The following SLC7A14 variants were observed in gnomAD, a reference collection of about 807,000 sequenced individuals.
SLC7A14 encodes solute carrier family 7 member 14.
SLC7A14 carries 37 observed loss-of-function variants against 60.2 expected under a neutral mutation model. The ratio of observed to expected loss-of-function variants is 0.61; its 90% CI spans 0.47 to 0.81. The LOEUF is 0.81. Among genes scored for constraint, SLC7A14 ranks in the 30% least tolerant of loss-of-function variants. SLC7A14 has a pLI of 0.00. For synonymous variants in SLC7A14, 399 were observed against 395.8 expected (o/e 1.01, Z -0.10); for missense variants, 886 against 982.7 (o/e 0.90, Z 1.32).
intron 7 of SLC7A14, among the ~76,000 whole-genome samples, chr3:170,475,121 T>C (rs928934516): frequency 5.9e-5 from 9 of 152,350 alleles, no homozygotes; most frequent in Middle Eastern, 3.4e-3. Context: ...ACATTTGGTG[T>C]TTGTATTCCT....
chr3:170,515,317 C>G (rs1303680691), intron 2 of SLC7A14, among the ~76,000 whole-genome samples: 3 of 96,820 alleles, frequency 3.1e-5, no homozygotes, highest in Admixed American at 3.0e-4. Flanking sequence ...TGTCCGCCCC[C>G]CCCAAAAAAA....
In SLC7A14 at chr3:170,565,847, G is replaced by A. The variant is rs75843724; in HGVS notation, c.-153+20064C>T. Among the ~76,000 whole-genome samples the A allele has an allele frequency of 1.3e-3, 193 of 152,198 alleles. 7 individuals are homozygous for A. The East Asian group carries it at 0.036, about 29-fold the overall frequency. ...ACAAGTGGAAGAGGGGGAAAATACT[G>A]CATCAGAAGAGTAATGGAAAAAAAC... On this transcript the variant is annotated intron_variant, in intron 1 of 7. Coordinates refer to ENST00000231706, the MANE Select transcript of SLC7A14 (RefSeq NM_020949.3).
chr3:170,512,454 C>G (rs188103499), intron 2 of SLC7A14, among the ~76,000 whole-genome samples: 1 of 152,060 alleles, frequency 6.6e-6, no homozygotes, highest in Non-Finnish European at 1.5e-5. Context: ...CCAGAGACTC[C>G]GAATTTAGGA....
chr3:170,477,469 C>T (rs1437045386), intron 7 of SLC7A14, among the ~76,000 whole-genome samples: 1 of 152,212 alleles, frequency 6.6e-6, no homozygotes, highest in African/African-American at 2.4e-5. Context: ...GCCTCAGTTT[C>T]CTCATCTGTA....
chr3:170,488,211 G>A (rs962051486), intron 4 of SLC7A14, among the ~76,000 whole-genome samples: 5 of 152,118 alleles, frequency 3.3e-5, no homozygotes, highest in African/African-American at 9.7e-5. Flanking sequence ...GTGGTCCATG[G>A]CACAAGAAAA....
intron 1 of SLC7A14, among the ~76,000 whole-genome samples, chr3:170,584,154 T>C (rs1340710451): frequency 6.6e-6 from 1 of 152,236 alleles, no homozygotes; most frequent in Non-Finnish European, 1.5e-5. Context: ...TCAGTACAAA[T>C]AGGCCTCCCC....
rs1861939 is a variant in SLC7A14, at chr3:170,481,178, G to A, written c.1116-12C>T. The A allele has an allele frequency of 0.59, 951,088 of 1,607,368 alleles. 289,019 individuals are homozygous for A. The highest frequency in any genetic ancestry group is 0.64 in the Middle Eastern group (3,814 of 5,964). ...CGTGAGCCAGGAACCTGGAGGGGCC[G>A]GGCAAGCAGAGGGTTAATGGTGAGC... On this transcript the variant is annotated splice_polypyrimidine_tract_variant and intron_variant, in intron 6 of 7. Transcript: ENST00000231706.
At chr3:170,549,627 C>A (rs994335107) in intron 1 of SLC7A14, among the ~76,000 whole-genome samples, 1 of 152,248 alleles carries the variant, frequency 6.6e-6, no homozygotes, top group Admixed American at 6.5e-5. Flanking sequence ...CACTTATGAC[C>A]GCAGAAATTA....
At chr3:170,513,222 C>T (rs965680248) in intron 2 of SLC7A14, among the ~76,000 whole-genome samples, 5 of 151,988 alleles carry the variant, frequency 3.3e-5, no homozygotes, top group African/African-American at 9.7e-5. Context: ...TAGCAAGTGC[C>T]CTTGGCTGAG....
chr3:170,493,695 A>G (rs1263069201), intron 4 of SLC7A14, among the ~76,000 whole-genome samples: 1 of 152,188 alleles, frequency 6.6e-6, no homozygotes, highest in Non-Finnish European at 1.5e-5. Flanking sequence ...TCAGACCTTA[A>G]AAAATAGGGT....
At chr3:170,567,330 A>G (rs564669058) in intron 1 of SLC7A14, among the ~76,000 whole-genome samples, 19 of 151,550 alleles carry the variant, frequency 1.3e-4, no homozygotes, top group African/African-American at 4.4e-4. Flanking sequence ...CCTACAAAGG[A>G]CATGAACTCA....
At chr3:170,538,135 A>G (rs1209413051) in intron 1 of SLC7A14, among the ~76,000 whole-genome samples, 2 of 152,216 alleles carry the variant, frequency 1.3e-5, no homozygotes, top group Non-Finnish European at 2.9e-5. Flanking sequence ...TTGTGCAGGA[A>G]AATCTTTAAG....
chr3:170,484,663 C>T (rs1711959920), intron 5 of SLC7A14, among the ~76,000 whole-genome samples: 1 of 152,118 alleles, frequency 6.6e-6, no homozygotes, highest in African/African-American at 2.4e-5. Flanking sequence ...CAAGGGCCAC[C>T]AAGGAGGACA....
intron 1 of SLC7A14, among the ~76,000 whole-genome samples, chr3:170,540,546 G>A (rs999396386): frequency 4.0e-5 from 6 of 151,604 alleles, no homozygotes; most frequent in Non-Finnish European, 7.4e-5. Context: ...GATTTGCATC[G>A]CCCAGGAGTG....
intron 1 of SLC7A14, among the ~76,000 whole-genome samples, chr3:170,557,470 G>T (rs560685527): frequency 6.6e-6 from 1 of 152,276 alleles, no homozygotes; most frequent in African/African-American, 2.4e-5. Context: ...GAGATAAAAG[G>T]GAAGAGGTTC....
intron 1 of SLC7A14, among the ~76,000 whole-genome samples, chr3:170,542,907 G>T (rs1350352457): frequency 6.6e-6 from 1 of 152,312 alleles, no homozygotes; most frequent in East Asian, 1.9e-4. Context: ...AGAGGACAGT[G>T]TGAGTCATCA....
chr3:170,547,299 T>C lies in SLC7A14; in HGVS notation c.-152-20211A>G, dbSNP rs1380693863. On this transcript the variant is annotated intron_variant, in intron 1 of 7. Coordinates refer to ENST00000231706, the MANE Select transcript of SLC7A14 (RefSeq NM_020949.3). ...CCTATAAACAAAAAATATATACCAATTGTAAATAAAGTCGACCCTTGAACA... is the reference window on the plus strand; with the variant it reads ...CCTATAAACAAAAAATATATACCAACTGTAAATAAAGTCGACCCTTGAACA... Among the ~76,000 whole-genome samples the C allele has an allele frequency of 4.6e-5, 7 of 152,166 alleles. No individual in the cohort carries two copies. The East Asian group carries it at 1.3e-3, about 29-fold the overall frequency.
At chr3:170,495,386 T>C (rs1712351534) in intron 4 of SLC7A14, among the ~76,000 whole-genome samples, 1 of 152,206 alleles carries the variant, frequency 6.6e-6, no homozygotes, top group Admixed American at 6.5e-5. Flanking sequence ...GCTTCTCGGC[T>C]CCTTCTGGAA....
intron 1 of SLC7A14, among the ~76,000 whole-genome samples, chr3:170,570,676 C>T (rs112971258): frequency 2.4e-4 from 37 of 152,180 alleles, no homozygotes; most frequent in Middle Eastern, 3.4e-3. Context: ...CTCCGAAGCC[C>T]GGACACTGGT....
Sources: allele counts gnomAD v4.1 joint callset (sites outside exome capture counted in the v4.1 genomes callset), GRCh38; gene constraint gnomAD v4.1.1; transcripts MANE v1.5; gene names NCBI Gene and HGNC (gene_info 2026-07-23, HGNC 2026-07-21).